The following PDE8A variants were observed in gnomAD, a reference collection of about 807,000 sequenced individuals.
PDE8A encodes high affinity cAMP-specific and IBMX-insensitive 3',5'-cyclic phosphodiesterase 8A.
PDE8A carries 59 observed loss-of-function variants against 105.0 expected under a neutral mutation model. That is an observed-to-expected ratio of 0.56 (90% CI 0.46 to 0.70). The LOEUF (loss-of-function observed/expected upper bound fraction) is 0.70, where lower values mean the gene tolerates loss of function less well. Ranked by LOEUF, PDE8A falls within the 30% of genes least tolerant of loss-of-function variation. PDE8A has a pLI of 0.00. For missense variants in PDE8A, 1,014 were observed against 1,045.9 expected (o/e 0.97, Z 0.42); for synonymous variants, 355 against 371.9 (o/e 0.95, Z 0.52).
At chr15:85,039,514 A>G (rs1041102864) in intron 1 of PDE8A, among the ~76,000 whole-genome samples, 1 of 152,142 alleles carries the variant, frequency 6.6e-6, no homozygotes, top group Admixed American at 6.6e-5. Flanking sequence ...TATTGTAAAT[A>G]TATACAGTCA....
intron 1 of PDE8A, among the ~76,000 whole-genome samples, chr15:85,026,459 C>A (rs546102227): frequency 6.6e-6 from 1 of 152,244 alleles, no homozygotes; most frequent in Non-Finnish European, 1.5e-5. Context: ...CCAGAGGAAG[C>A]ATTTAGAGAG....
intron 1 of PDE8A, among the ~76,000 whole-genome samples, chr15:85,027,501 G>C (rs1188508547): frequency 1.3e-5 from 2 of 152,212 alleles, no homozygotes; most frequent in African/African-American, 4.8e-5. Context: ...CATGCTATGT[G>C]TGTTGCCAAA....
intron 1 of PDE8A, among the ~76,000 whole-genome samples, chr15:85,042,135 T>G (rs1257738393): frequency 2.6e-5 from 4 of 152,102 alleles, no homozygotes; most frequent in Admixed American, 2.6e-4. Context: ...GATACTTGTA[T>G]AGCCCTCTTA....
chr15:85,110,322 T>C (rs765658253), intron 12 of PDE8A, among the ~76,000 whole-genome samples: 25 of 152,218 alleles, frequency 1.6e-4, no homozygotes, highest in Non-Finnish European at 1.9e-4. Context: ...CTTTTTCTTA[T>C]AACTTTTTAT....
At chr15:85,061,151 C>G (rs1347827052) in intron 1 of PDE8A, among the ~76,000 whole-genome samples, 10 of 152,046 alleles carry the variant, frequency 6.6e-5, no homozygotes, top group Non-Finnish European at 1.5e-4. Flanking sequence ...GATGAGAGAT[C>G]TATTGATAAT....
chr15:85,124,034 C>T (rs182890836), intron 19 of PDE8A, among the ~76,000 whole-genome samples: 2 of 152,288 alleles, frequency 1.3e-5, no homozygotes, highest in Admixed American at 1.3e-4. Flanking sequence ...AGCAGCTATC[C>T]TCTCTTGGTC....
intron 11 of PDE8A, among the ~76,000 whole-genome samples, chr15:85,102,749 G>A (rs2081885076): frequency 6.7e-6 from 1 of 150,194 alleles, no homozygotes; most frequent in Non-Finnish European, 1.5e-5. Flanking sequence ...TGAGGCAGGA[G>A]AATCACTTGA....
At chr15:85,049,154 C>G (rs1165991810) in intron 1 of PDE8A, among the ~76,000 whole-genome samples, 5 of 152,008 alleles carry the variant, frequency 3.3e-5, no homozygotes, top group African/African-American at 1.2e-4. Flanking sequence ...CCAGATGTCT[C>G]CTTTTTTCCT....
rs1596402872 is a variant in PDE8A, at chr15:84,982,291, C to G, written c.129C>G (p.Pro43=). The G allele has an allele frequency of 7.2e-7, 1 of 1,383,352 alleles. No individual in the cohort carries two copies. 85.7% of individuals were successfully genotyped at this position (1,383,352 alleles called of 1,614,324 possible). A position where few individuals can be genotyped will look rare whatever the true frequency, so the allele number is the denominator to read the frequency against. Residue 43 remains proline, a synonymous_variant, in exon 1 of 22, where the codon CCC becomes CCG. Transcript: ENST00000394553. ...LPQGQKTAAL[P]RTRGAGLLES... ...AGGGCCAGAAGACGGCCGCCTTGCC[C>G]CGGACCCGCGGCGCCGGCCTCTTGG... is the stretch of plus-strand genomic sequence containing the variant.
At chr15:85,106,977 G>A (rs768470424) in intron 11 of PDE8A, among the ~76,000 whole-genome samples, 90 of 152,280 alleles carry the variant, frequency 5.9e-4, no homozygotes, top group Non-Finnish European at 9.4e-4. Flanking sequence ...TAGGCACAGA[G>A]CTGGTCACCT....
chr15:85,093,323 C>T (rs2081680928), intron 8 of PDE8A, among the ~76,000 whole-genome samples: 1 of 152,192 alleles, frequency 6.6e-6, no homozygotes, highest in Admixed American at 6.5e-5. Context: ...GGCAACATGG[C>T]AGCAGGGCAG....
chr15:85,117,858 G>A lies in PDE8A; in HGVS notation c.1734+19G>A. The A allele has an allele frequency of 6.3e-7, 1 of 1,586,718 alleles. No homozygotes were observed. The highest frequency in any genetic ancestry group is 8.7e-7 in the Non-Finnish European group (1 of 1,155,674). On this transcript the variant is annotated intron_variant, in intron 17 of 21. Coordinates refer to ENST00000394553, the MANE Select transcript of PDE8A (RefSeq NM_002605.3). Reference sequence around the variant, plus strand: ...GATAAAGGTGAGCTGTTGTTTACCTGCCACATTTAATGGGCAGGAGCAGTG... The same window carrying A: ...GATAAAGGTGAGCTGTTGTTTACCTACCACATTTAATGGGCAGGAGCAGTG...
rs188717843 is a variant in PDE8A at position 84,990,276 on chromosome 15, C to T, written c.186+7928C>T. ...GTAAAATGTGTAAATTTTATGTGTA[C>T]CATTTGTGAGATATGACAAATGTAT... On this transcript the variant is annotated intron_variant, in intron 1 of 21. Coordinates refer to ENST00000394553, the MANE Select transcript of PDE8A (RefSeq NM_002605.3). Among the ~76,000 whole-genome samples the T allele has an allele frequency of 2.9e-3, 434 of 152,174 alleles. 2 individuals carry two copies. The highest frequency in any genetic ancestry group is 9.9e-3 in the African/African-American group (409 of 41,508).
rs1049480179 is a variant in PDE8A, at chr15:85,112,514, A to G, written c.1115-863A>G. Among the ~76,000 whole-genome samples the G allele has an allele frequency of 2.6e-4, 40 of 152,294 alleles. 1 individual carries two copies. The highest frequency in any genetic ancestry group is 1.5e-3 in the South Asian group (7 of 4,822). The stretch of plus-strand genomic sequence containing the variant: ...GGTAAAATGGAAAGTTGGCAATCCT[A>G]TAATCACCAAAATTTTAAGAAGTTT... On this transcript the variant is annotated intron_variant, in intron 12 of 21. Coordinates refer to ENST00000394553, the MANE Select transcript of PDE8A (RefSeq NM_002605.3).
At position 84,997,601 on chromosome 15, in the gene PDE8A, T is replaced by A. The variant is rs367682882; in HGVS notation, c.186+15253T>A. ...ATGCTGCCATGTACATCTTTTTTTGTTTTTTTTTGAGACAGAGTTTTGCTC... is the reference window on the plus strand; with the variant it reads ...ATGCTGCCATGTACATCTTTTTTTGATTTTTTTTGAGACAGAGTTTTGCTC... On this transcript the variant is annotated intron_variant, in intron 1 of 21. Coordinates refer to ENST00000394553, the MANE Select transcript of PDE8A (RefSeq NM_002605.3). Among the ~76,000 whole-genome samples the A allele has an allele frequency of 1.1e-4, 17 of 151,010 alleles. No homozygotes were observed. In the East Asian group the frequency reaches 2.9e-3, roughly 26 times the overall value.
intron 1 of PDE8A, among the ~76,000 whole-genome samples, chr15:85,056,297 T>C (rs1286047466): frequency 1.3e-5 from 2 of 152,204 alleles, no homozygotes; most frequent in Non-Finnish European, 2.9e-5. Context: ...TTGGAGTTGC[T>C]CTTCTCGAGG....
At chr15:85,043,769 C>T (rs1266777849) in intron 1 of PDE8A, among the ~76,000 whole-genome samples, 1 of 152,074 alleles carries the variant, frequency 6.6e-6, no homozygotes, top group East Asian at 1.9e-4. Flanking sequence ...GTGATCTTGG[C>T]ACACTGCAAC....
chr15:85,126,350 C>A lies in PDE8A; in HGVS notation c.2229C>A (p.Arg743=). 1 of 1,585,382 alleles carries A rather than the reference C, an allele frequency of 6.3e-7. No individual in the cohort carries two copies. Among genetic ancestry groups the A allele is most frequent in the South Asian group, 1.2e-5 (1 of 85,350 alleles). ...PLQYCIEWAA[R]ISEEYFSQTD... ...AGTACTGCATCGAGTGGGCTGCACGCATTTCGGAAGAATATTTTTCTCAGG... is the reference window on the plus strand; with the variant it reads ...AGTACTGCATCGAGTGGGCTGCACGAATTTCGGAAGAATATTTTTCTCAGG... Residue 743 remains arginine, a synonymous_variant, in exon 20 of 22, where the codon CGC becomes CGA. Coordinates refer to ENST00000394553, the MANE Select transcript of PDE8A (RefSeq NM_002605.3).
At position 85,016,586 on chromosome 15, in the gene PDE8A, T is replaced by C. The variant is rs147168766; in HGVS notation, c.186+34238T>C. Among the ~76,000 whole-genome samples, 699 of 152,354 alleles carry C rather than the reference T, an allele frequency of 4.6e-3. 9 individuals are homozygous for C. Among genetic ancestry groups the C allele is most frequent in the African/African-American group, 0.016 (664 of 41,588 alleles). ...GTATAAGAATTATCTTGCAAGGCTA[T>C]TCCTCTCTCTTTTCTTTCCCTTTTC... is the stretch of plus-strand genomic sequence containing the variant. On this transcript the variant is annotated intron_variant, in intron 1 of 21. Transcript: ENST00000394553.
Sources: gnomAD v4.1 joint callset for allele counts (sites outside exome capture counted in the v4.1 genomes callset) on GRCh38, gnomAD v4.1.1 for gene constraint, MANE v1.5 for transcripts, NCBI Gene and HGNC (gene_info 2026-07-23, HGNC 2026-07-21) for gene names.